The following CCN4 variants were observed in gnomAD, a reference collection of about 807,000 sequenced individuals.
CCN4 encodes cellular communication network factor 4.
Under a neutral mutation model 36.7 loss-of-function variants are expected in CCN4, and 30 were observed. The observed-to-expected ratio is 0.82, with a 90% CI of 0.61 to 1.11. CCN4 has a LOEUF of 1.11. CCN4 is among the 50% of genes least tolerant of loss of function. The pLI is 0.00. For missense variants in CCN4, 505 were observed against 504.9 expected (o/e 1.00, Z 0.00); for synonymous variants, 191 against 195.4 (o/e 0.98, Z 0.19).
intron 3 of CCN4, among the ~76,000 whole-genome samples, chr8:133,222,228 G>A (rs1202085572): frequency 2.0e-5 from 3 of 152,142 alleles, no homozygotes; most frequent in Non-Finnish European, 4.4e-5. Context: ...CAGTGAAGAA[G>A]GAACAGACAC....
chr8:133,215,021 C>T (rs954388572), intron 2 of CCN4, among the ~76,000 whole-genome samples: 1 of 152,164 alleles, frequency 6.6e-6, no homozygotes, highest in African/African-American at 2.4e-5. Flanking sequence ...CACACGAATC[C>T]TTGTGTCTTT....
At chr8:133,214,284 C>G in intron 2 of CCN4, among the ~76,000 whole-genome samples, 1 of 60 alleles carries the variant, frequency 0.017, no homozygotes, top group East Asian at 0.5. Flanking sequence ...CAATAACCAC[C>G]TGATATAACC....
At chr8:133,220,990 C>T in intron 3 of CCN4, 149 bp downstream of exon 3, 2 of 1,078,428 alleles carry the variant, frequency 1.9e-6, no homozygotes, top group Non-Finnish European at 2.6e-6. Context: ...CCCCTGAGAC[C>T]CTATTTCCCC....
At chr8:133,195,307 G>A (rs1853339213) in intron 1 of CCN4, among the ~76,000 whole-genome samples, 1 of 149,940 alleles carries the variant, frequency 6.7e-6, no homozygotes, top group East Asian at 2.0e-4. Context: ...TATGTGTTGT[G>A]TTTGCGTGTG....
intron 1 of CCN4, among the ~76,000 whole-genome samples, chr8:133,194,860 G>A (rs1243146175): frequency 4.9e-5 from 7 of 141,914 alleles, no homozygotes; most frequent in African/African-American, 1.8e-4. Context: ...TGTGTGTTGA[G>A]TGTGTTTGTG....
intron 1 of CCN4, among the ~76,000 whole-genome samples, chr8:133,195,100 C>T (rs563816158): frequency 4.8e-5 from 6 of 125,116 alleles, no homozygotes; most frequent in South Asian, 5.3e-4. Context: ...GTGTGGTGTG[C>T]GTGGTGCTTG....
chr8:133,227,600 C>G lies in CCN4; in HGVS notation c.994C>G (p.Arg332Gly). 6.2e-7 allele frequency: 1 copy of G among 1,614,206 alleles called. No homozygotes were observed. Among genetic ancestry groups the G allele is most frequent in the Non-Finnish European group, 8.5e-7 (1 of 1,180,038 alleles). The change falls in exon 5 of 5, where the codon CGC becomes GGC. Residue 332 changes from arginine (R) to glycine (G), a missense_variant. Transcript: ENST00000250160. ...FQCPDGLGFS[R>G]QVLWINACFC... is the part of the protein sequence containing the mutation. ...GTGTCCTGATGGGCTTGGCTTCTCC[C>G]GCCAGGTCCTATGGATTAATGCCTG... is the stretch of plus-strand genomic sequence containing the variant.
intron 1 of CCN4, among the ~76,000 whole-genome samples, chr8:133,194,448 T>G (rs1853248687): frequency 1.3e-5 from 1 of 76,140 alleles, no homozygotes; most frequent in Non-Finnish European, 2.3e-5. Context: ...GTGTGGTGTG[T>G]GTGTGGTATG....
At position 133,202,232 on chromosome 8, in the gene CCN4, G is replaced by A. The variant is rs144807422; in HGVS notation, c.70-10632G>A. Among the ~76,000 whole-genome samples, 1,166 of 152,344 alleles carry A rather than the reference G, an allele frequency of 7.7e-3. 8 individuals are homozygous for A. Among genetic ancestry groups the A allele is most frequent in the Admixed American group, 0.012 (177 of 15,300 alleles). Reference sequence around the variant, plus strand: ...TAGCTCCCGATGAAAAGACCCTTAAGTTCTTCACCTCCCTGGACAAACAGG... The same window carrying A: ...TAGCTCCCGATGAAAAGACCCTTAAATTCTTCACCTCCCTGGACAAACAGG... On this transcript the variant is annotated intron_variant, in intron 1 of 4. Coordinates refer to ENST00000250160, the MANE Select transcript of CCN4 (RefSeq NM_003882.4).
At chr8:133,210,422 T>TGTGTGTGTG (rs1853972886) in intron 1 of CCN4, among the ~76,000 whole-genome samples, 1 of 72,398 alleles carries the variant, frequency 1.4e-5, no homozygotes, top group African/African-American at 3.4e-5. Flanking sequence ...TGTGTGTGTG[T>TGTGTGTGTG]TTACTGATTC....
chr8:133,225,145 A>T (rs1352613651), intron 3 of CCN4, among the ~76,000 whole-genome samples: 1 of 152,122 alleles, frequency 6.6e-6, no homozygotes, highest in Non-Finnish European at 1.5e-5. Context: ...GTCTCTAAAG[A>T]TGGGTTTCCT....
At chr8:133,200,803 G>A (rs1022473668) in intron 1 of CCN4, among the ~76,000 whole-genome samples, 4 of 152,112 alleles carry the variant, frequency 2.6e-5, no homozygotes, top group Admixed American at 6.5e-5. Context: ...CCTCTGTCCC[G>A]GGCCCCTGAC....
chr8:133,197,716 G>A (rs954859725), intron 1 of CCN4, among the ~76,000 whole-genome samples: 4 of 152,168 alleles, frequency 2.6e-5, no homozygotes, highest in African/African-American at 9.7e-5. Context: ...TTCAGGCTTG[G>A]GGCTTTGAGT....
chr8:133,231,077 A>AT lies in CCN4; in HGVS notation c.*3371dup, dbSNP rs1854944242. ...AGGCGCTTTACTGACAATAGCTGCAATTTTAACTTTGAAAATGATTCAGAA... is the reference window on the plus strand; with the variant it reads ...AGGCGCTTTACTGACAATAGCTGCAATTTTTAACTTTGAAAATGATTCAGAA... On this transcript the variant is annotated 3_prime_UTR_variant, in exon 5 of 5. Coordinates refer to ENST00000250160, the MANE Select transcript of CCN4 (RefSeq NM_003882.4). 1 of 152,214 alleles carries AT rather than the reference A, an allele frequency of 6.6e-6. No homozygotes were observed. The highest frequency in any genetic ancestry group is 2.4e-5 in the African/African-American group (1 of 41,452). 9.4% of individuals were successfully genotyped at this position (152,214 alleles called of 1,614,324 possible).
intron 1 of CCN4, among the ~76,000 whole-genome samples, chr8:133,207,041 C>G (rs557416976): frequency 3.9e-5 from 6 of 152,292 alleles, no homozygotes; most frequent in Admixed American, 1.3e-4. Context: ...AGAGTGTAAG[C>G]ACAGGCTTAG....
At chr8:133,196,914 G>C (rs71526275) in intron 1 of CCN4, among the ~76,000 whole-genome samples, 282 of 152,314 alleles carry the variant, frequency 1.9e-3, no homozygotes, top group Non-Finnish European at 3.3e-3. Flanking sequence ...AGTTGGCTAG[G>C]AGGAGGGGCA....
At chr8:133,213,180 A>C (rs1376387384) in intron 2 of CCN4, 37 bp downstream of exon 2, 1 of 1,569,826 alleles carries the variant, frequency 6.4e-7, no homozygotes, top group South Asian at 1.2e-5. Context: ...CCAGCCCCTG[A>C]GCACCCCCAG....
At chr8:133,195,397 A>C (rs554910337) in intron 1 of CCN4, among the ~76,000 whole-genome samples, 1 of 152,094 alleles carries the variant, frequency 6.6e-6, no homozygotes, top group African/African-American at 2.4e-5. Flanking sequence ...CTGCAGAATA[A>C]TGTGGGTCAA....
chr8:133,203,808 G>C (rs1413426693), intron 1 of CCN4, among the ~76,000 whole-genome samples: 2 of 152,156 alleles, frequency 1.3e-5, no homozygotes, highest in African/African-American at 4.8e-5. Flanking sequence ...CAGATATCCT[G>C]GGCAGTCCAC....
Sources: allele counts gnomAD v4.1 joint callset (sites outside exome capture counted in the v4.1 genomes callset), GRCh38; gene constraint gnomAD v4.1.1; transcripts MANE v1.5; gene names NCBI Gene and HGNC (gene_info 2026-07-23, HGNC 2026-07-21).